Variants in RBMXL3 observed in about 807,000 individuals in gnomAD.
The protein encoded by RBMXL3 is RBMX like 3.
Under a neutral mutation model 0.8 loss-of-function variants are expected in RBMXL3, and 2 were observed. That is an observed-to-expected ratio of 2.54 (90% confidence interval 1.04 to 8.00). The LOEUF is 8.00. RBMXL3 is among the 30% of genes most tolerant of loss of function. The pLI, the probability that RBMXL3 is intolerant of heterozygous loss-of-function variation, is 0.04. For missense variants in RBMXL3, 1,127 were observed against 1,068.0 expected, an observed-to-expected ratio of 1.06 and a Z score of -0.77; for synonymous variants, 447 against 449.8, an observed-to-expected ratio of 0.99 and a Z score of 0.08.
rs1231122538 is a variant in RBMXL3, at chrX:115,190,452, C to T, written c.1011C>T (p.Pro337=). 10 of 1,165,873 alleles carry T rather than the reference C, an allele frequency of 8.6e-6. No homozygotes were observed. Among genetic ancestry groups the T allele is most frequent in the Middle Eastern group, 2.3e-4 (1 of 4,322 alleles). The part of the protein sequence containing the change: ...CRYEEYQGNS[P]DACSEGRSSE... Reference sequence around the variant, plus strand: ...ACGAGGAGTACCAGGGCAACTCGCCCGATGCCTGCAGTGAAGGCCGCTCGT... The same window carrying T: ...ACGAGGAGTACCAGGGCAACTCGCCTGATGCCTGCAGTGAAGGCCGCTCGT... Residue 337 remains proline, a synonymous_variant, in exon 1 of 1, where the codon CCC becomes CCT. Transcript: ENST00000424776.
At position 115,192,725 on chromosome X, in the gene RBMXL3, C is replaced by A; in HGVS notation, c.*80C>A. 1 of 970,067 alleles carries A rather than the reference C, an allele frequency of 1.0e-6. No homozygotes were observed. The highest frequency in any genetic ancestry group is 2.2e-5 in the South Asian group (1 of 45,893). The allele number at this position is 970,067 out of a possible 1,213,427, so 79.9% of individuals were successfully genotyped here. ...CTGTTCTATGTTAACTACCCAAGGA[C>A]TAGTATAAGTAGGAGTTGTTTTTAC... On this transcript the variant is annotated 3_prime_UTR_variant, in exon 1 of 1. Coordinates refer to ENST00000424776, the MANE Select transcript of RBMXL3 (RefSeq NM_001145346.2).
At position 115,189,688 on chromosome X, in the gene RBMXL3, C is replaced by G. The variant is rs1556556267; in HGVS notation, c.247C>G (p.Gln83Glu). The change falls in exon 1 of 1, where the codon CAG becomes GAG. Residue 83 changes from glutamine to glutamate, a missense_variant. Coordinates refer to ENST00000424776, the MANE Select transcript of RBMXL3 (RefSeq NM_001145346.2). ...YLDGKAIMVAQTIKPAFKSSR... is the reference protein window; with the variant it reads ...YLDGKAIMVAETIKPAFKSSR... ...GGATGGTAAGGCCATCATGGTGGCCCAGACCATCAAACCGGCATTCAAGAG... is the reference window on the plus strand; with the variant it reads ...GGATGGTAAGGCCATCATGGTGGCCGAGACCATCAAACCGGCATTCAAGAG... The G allele has an allele frequency of 2.6e-6, 3 of 1,167,230 alleles. No homozygotes were observed. Among genetic ancestry groups the G allele is most frequent in the African/African-American group, 1.8e-5 (1 of 56,178 alleles).
At position 115,190,800 on chromosome X, in the gene RBMXL3, TGGG is replaced by T. The variant is rs2072796830; in HGVS notation, c.1362_1364del (p.Gly455del). On this transcript the variant is annotated inframe_deletion, in exon 1 of 1. Transcript: ENST00000424776. Reference sequence around the variant, plus strand: ...GGGGCCGGTCCGACGACGCCTACAGTGGGGGCCATGACAGTTCCAGCTGGAGCG... The same window carrying T: ...GGGGCCGGTCCGACGACGCCTACAGTGGCCATGACAGTTCCAGCTGGAGCG... The T allele has an allele frequency of 8.7e-7, 1 of 1,152,997 alleles. No individual in the cohort carries two copies. Among genetic ancestry groups the T allele is most frequent in the East Asian group, 3.3e-5 (1 of 29,853 alleles).
rs782782096 is a variant in RBMXL3 at position 115,190,747 on chromosome X, G to A, written c.1306G>A (p.Gly436Arg). The A allele has an allele frequency of 7.3e-5, 84 of 1,143,196 alleles. 1 individual carries two copies. In the Middle Eastern group the frequency reaches 3.3e-3, roughly 45 times the overall value. 94.2% of individuals were successfully genotyped at this position (1,143,196 alleles called of 1,213,427 possible). The change falls in exon 1 of 1, where the codon GGG becomes AGG. Residue 436 changes from glycine (G) to arginine (R), a missense_variant. Coordinates refer to ENST00000424776, the MANE Select transcript of RBMXL3 (RefSeq NM_001145346.2). ...AGGCCGCTCACACGAGGCCCGCAGC[G>A]GGGGCCGCTCCACTGATGCCCACAG... ...YRGRSHEARS[G>R]GRSTDAHSRG...
At position 115,189,509 on chromosome X, in the gene RBMXL3, C is replaced by T. The variant is rs782414243; in HGVS notation, c.68C>T (p.Ala23Val). 2 of 1,181,315 alleles carry T rather than the reference C, an allele frequency of 1.7e-6. No individual in the cohort carries two copies. Among genetic ancestry groups the T allele is most frequent in the Admixed American group, 2.4e-5 (1 of 41,103 alleles). Residue 23 changes from alanine to valine, a missense_variant, in exon 1 of 1, where the codon GCC (alanine) becomes GTC (valine). By Grantham distance (64) the Ala-to-Val change is moderately conservative. Coordinates refer to ENST00000424776, the MANE Select transcript of RBMXL3 (RefSeq NM_001145346.2). Reference protein sequence around the residue: ...GGLNLKTDEKALKAEFGKYGH... With the variant: ...GGLNLKTDEKVLKAEFGKYGH... Reference sequence around the variant, plus strand: ...CTCAACCTCAAAACCGACGAGAAAGCCCTCAAAGCCGAGTTTGGCAAGTAT... The same window carrying T: ...CTCAACCTCAAAACCGACGAGAAAGTCCTCAAAGCCGAGTTTGGCAAGTAT...
rs2072775970 is a variant in RBMXL3, at chrX:115,190,097, G to A, written c.656G>A (p.Ser219Asn). ...PRSSLARIGG[S>N]GMPGKAPAVW... ...TCAAGCCTGGCTCGCATTGGCGGCA[G>A]TGGAATGCCTGGGAAGGCCCCGGCC... Residue 219 changes from serine (S) to asparagine (N), a missense_variant, in exon 1 of 1, where the codon AGT becomes AAT. Ser to Asn is a conservative substitution (Grantham distance 46). Transcript: ENST00000424776. 6 of 1,155,870 alleles carry A rather than the reference G, an allele frequency of 5.2e-6. No individual in the cohort carries two copies. Among genetic ancestry groups the A allele is most frequent in the Non-Finnish European group, 5.8e-6 (5 of 866,115 alleles).
chrX:115,190,141 T>G lies in RBMXL3; in HGVS notation c.700T>G (p.Tyr234Asp). ...KAPAVWGQDG[Y>D]SGPRVREPLP... ...CCCGGCCGTGTGGGGGCAAGATGGC[T>G]ACTCAGGCCCGCGGGTCCGGGAGCC... Residue 234 changes from tyrosine to aspartate, a missense_variant, in exon 1 of 1, where the codon TAC (tyrosine) becomes GAC (aspartate). Transcript: ENST00000424776. 8.6e-7 allele frequency: 1 copy of G among 1,161,688 alleles called. No individual in the cohort carries two copies. The highest frequency in any genetic ancestry group is 1.1e-6 in the Non-Finnish European group (1 of 869,712).
rs1344176388 is a variant in RBMXL3, at chrX:115,190,059, G to C, written c.618G>C (p.Arg206Ser). The C allele has an allele frequency of 8.7e-7, 1 of 1,153,662 alleles. No individual in the cohort carries two copies. The highest frequency in any genetic ancestry group is 1.2e-6 in the Non-Finnish European group (1 of 866,724). Residue 206 changes from arginine to serine, a missense_variant, in exon 1 of 1, where the codon AGG becomes AGC. By Grantham distance (110) the Arg-to-Ser change is moderately radical. Transcript: ENST00000424776. ...GCTGGGCCGGCCCACCCCACAAGAG[G>C]GCTGTGCCCCGGTCAAGCCTGGCTC... ...PRRWAGPPHK[R>S]AVPRSSLARI...
rs1556560343 is a variant in RBMXL3, at chrX:115,191,872, C to T, written c.2431C>T (p.Pro811Ser). The change falls in exon 1 of 1, where the codon CCC becomes TCC. Residue 811 changes from proline (P) to serine (S), a missense_variant. Physicochemically the swap from Pro to Ser is moderately conservative, Grantham distance 74. Transcript: ENST00000424776. ...CCACAACAGTTCCAGCCGGAACGAC[C>T]CCTGCAGAGGAGGAGGCCGCTACGA... The part of the protein sequence containing the change: ...GGHNSSSRND[P>S]CRGGGRYEEN... 1 of 1,159,383 alleles carries T rather than the reference C, an allele frequency of 8.6e-7. No homozygotes were observed. Among genetic ancestry groups the T allele is most frequent in the Admixed American group, 2.6e-5 (1 of 37,910 alleles).
At position 115,190,940 on chromosome X, in the gene RBMXL3, G is replaced by T. The variant is rs782095744; in HGVS notation, c.1499G>T (p.Trp500Leu). The change falls in exon 1 of 1, where the codon TGG becomes TTG. Residue 500 changes from tryptophan to leucine, a missense_variant. Coordinates refer to ENST00000424776, the MANE Select transcript of RBMXL3 (RefSeq NM_001145346.2). Reference sequence around the variant, plus strand: ...AGTGGGGGCCACGACAATTCCAGCTGGAGCGACCGCTACGGAGTAGGAGGC... The same window carrying T: ...AGTGGGGGCCACGACAATTCCAGCTTGAGCGACCGCTACGGAGTAGGAGGC... ...AYSGGHDNSS[W>L]SDRYGVGGHY... 8.7e-7 allele frequency: 1 copy of T among 1,154,997 alleles called. No individual in the cohort carries two copies. Among genetic ancestry groups the T allele is most frequent in the South Asian group, 1.9e-5 (1 of 51,974 alleles).
chrX:115,189,989 C>T lies in RBMXL3; in HGVS notation c.548C>T (p.Pro183Leu), dbSNP rs375251992. The change falls in exon 1 of 1, where the codon CCG becomes CTG. Residue 183 changes from proline to leucine, a missense_variant. Pro to Leu is a moderately conservative substitution (Grantham distance 98). Transcript: ENST00000424776. The stretch of plus-strand genomic sequence containing the variant: ...GGCTGTGGAATGCGCGGGAAGGCAC[C>T]GACTGTGTCGGGGCAAGATGGCTAC... ...SVGCGMRGKA[P>L]TVSGQDGYSG... The T allele has an allele frequency of 1.9e-4, 216 of 1,162,646 alleles. 2 individuals are homozygous for T. The South Asian group carries it at 3.9e-3, about 21-fold the overall frequency.
Position 115,191,430 on chromosome X carries a change from C to A in RBMXL3, c.1989C>A (p.Tyr663Ter), listed in dbSNP as rs1209297902. ...ACAGTTCTGGCCAGAGCAACTGCTA[C>A]GGAGGAGGAGGCCGCTACGAGGAGT... ...GHDSSGQSNC[Y>*]GGGGRYEEYR... is the part of the protein sequence containing the mutation. Residue 663 changes from tyrosine (Y) to a stop codon, truncating the protein, a stop_gained, in exon 1 of 1, where the codon TAC (tyrosine) becomes TAA (stop). Transcript: ENST00000424776. LOFTEE classifies it low-confidence loss of function (END_TRUNC). 1 of 1,147,040 alleles carries A rather than the reference C, an allele frequency of 8.7e-7. No individual in the cohort carries two copies. Among genetic ancestry groups the A allele is most frequent in the African/African-American group, 1.9e-5 (1 of 51,372 alleles). 94.5% of individuals were successfully genotyped at this position (1,147,040 alleles called of 1,213,427 possible). A position where few individuals can be genotyped will look rare whatever the true frequency, so the allele number is the denominator to read the frequency against.
rs184007528 is a variant in RBMXL3 at position 115,190,670 on chromosome X, G to C, written c.1229G>C (p.Ser410Thr). 185 of 1,147,803 alleles carry C rather than the reference G, an allele frequency of 1.6e-4. 1 individual carries two copies. The African/African-American group carries it at 3.2e-3, about 20-fold the overall frequency. 94.6% of individuals were successfully genotyped at this position (1,147,803 alleles called of 1,213,427 possible). ...GGGGGCCGCAACAGTTCCAGCAACA[G>C]TTACGGCCAGAGCCACCACTATGGA... ...HSGGRNSSSN[S>T]YGQSHHYGGE... Residue 410 changes from serine (S) to threonine (T), a missense_variant, in exon 1 of 1, where the codon AGT becomes ACT. Physicochemically the swap from Ser to Thr is moderately conservative, Grantham distance 58. Transcript: ENST00000424776.
At position 115,190,594 on chromosome X, in the gene RBMXL3, G is replaced by A. The variant is rs782076405; in HGVS notation, c.1153G>A (p.Glu385Lys). ...NGYSRSDRYG[E>K]EGCYEEYRGR... ...TTACAGCCGGAGTGACCGCTACGGA[G>A]AAGAAGGCTGCTACGAGGAGTACAG... Residue 385 changes from glutamate (E) to lysine (K), a missense_variant, in exon 1 of 1, where the codon GAA (glutamate) becomes AAA (lysine). Transcript: ENST00000424776. The A allele has an allele frequency of 1.7e-6, 2 of 1,160,742 alleles. No homozygotes were observed. Among genetic ancestry groups the A allele is most frequent in the Non-Finnish European group, 2.3e-6 (2 of 867,692 alleles).
chrX:115,191,231 G>T lies in RBMXL3; in HGVS notation c.1790G>T (p.Arg597Leu). 7.8e-6 allele frequency: 9 copies of T among 1,150,033 alleles called. No homozygotes were observed. The highest frequency in any genetic ancestry group is 1.0e-5 in the Non-Finnish European group (9 of 865,597). 94.8% of individuals were successfully genotyped at this position (1,150,033 alleles called of 1,213,427 possible). A position where few individuals can be genotyped will look rare whatever the true frequency, so the allele number is the denominator to read the frequency against. Residue 597 changes from arginine to leucine, a missense_variant, in exon 1 of 1, where the codon CGC becomes CTC. Coordinates refer to ENST00000424776, the MANE Select transcript of RBMXL3 (RefSeq NM_001145346.2). The stretch of plus-strand genomic sequence containing the variant: ...GGCTGCTACGAGGAGTACCGAGGCC[G>T]CTCCCTCGATGCCAACAGTGGAGGC... ...GGGCYEEYRG[R>L]SLDANSGGRS...
chrX:115,189,962 T>A lies in RBMXL3; in HGVS notation c.521T>A (p.Val174Asp). ...RATPSSLAHSVGCGMRGKAPT... is the reference protein window; with the variant it reads ...RATPSSLAHSDGCGMRGKAPT... ...ACGCCGTCGAGCCTGGCTCACAGCG[T>A]TGGCTGTGGAATGCGCGGGAAGGCA... The change falls in exon 1 of 1, where the codon GTT becomes GAT. Residue 174 changes from valine to aspartate, a missense_variant. Physicochemically the swap from Val to Asp is radical, Grantham distance 152. Coordinates refer to ENST00000424776, the MANE Select transcript of RBMXL3 (RefSeq NM_001145346.2). 8.6e-7 allele frequency: 1 copy of A among 1,162,775 alleles called. No individual in the cohort carries two copies. The highest frequency in any genetic ancestry group is 1.9e-5 in the South Asian group (1 of 52,509).
rs1556557973 is a variant in RBMXL3 at position 115,190,709 on chromosome X, A to T, written c.1268A>T (p.Tyr423Phe). ...CACCACTATGGAGGAGAAGGCCGCTATGAGGAGTACCGAGGCCGCTCACAC... is the reference window on the plus strand; with the variant it reads ...CACCACTATGGAGGAGAAGGCCGCTTTGAGGAGTACCGAGGCCGCTCACAC... ...QSHHYGGEGR[Y>F]EEYRGRSHEA... is the part of the protein sequence containing the mutation. Residue 423 changes from tyrosine (Y) to phenylalanine (F), a missense_variant, in exon 1 of 1, where the codon TAT becomes TTT. Tyr to Phe is a conservative substitution (Grantham distance 22). Transcript: ENST00000424776. The T allele has an allele frequency of 9.3e-7, 1 of 1,077,451 alleles. No homozygotes were observed. The allele number at this position is 1,077,451 out of a possible 1,213,427, so 88.8% of individuals were successfully genotyped here.
At position 115,190,911 on chromosome X, in the gene RBMXL3, C is replaced by T. The variant is rs1228893798; in HGVS notation, c.1470C>T (p.Ala490=). ...DANSGGCSPE[A]YSGGHDNSSW... ...ACAGTGGAGGCTGCTCGCCCGAGGC[C>T]TACAGTGGGGGCCACGACAATTCCA... Residue 490 remains alanine (A), a synonymous_variant, in exon 1 of 1, where the codon GCC becomes GCT. Transcript: ENST00000424776. 7 of 1,166,046 alleles carry T rather than the reference C, an allele frequency of 6.0e-6. No homozygotes were observed. In the East Asian group the frequency reaches 2.3e-4, roughly 38 times the overall value.
chrX:115,190,806 C>T lies in RBMXL3; in HGVS notation c.1365C>T (p.Gly455=). The part of the protein sequence containing the change: ...RGRSDDAYSG[G]HDSSSWSDCC... ...GGTCCGACGACGCCTACAGTGGGGGCCATGACAGTTCCAGCTGGAGCGACT... is the reference window on the plus strand; with the variant it reads ...GGTCCGACGACGCCTACAGTGGGGGTCATGACAGTTCCAGCTGGAGCGACT... The change falls in exon 1 of 1, where the codon GGC becomes GGT. Residue 455 remains glycine (G), a synonymous_variant. Transcript: ENST00000424776. The T allele has an allele frequency of 8.6e-7, 1 of 1,157,287 alleles. No individual in the cohort carries two copies. Among genetic ancestry groups the T allele is most frequent in the Non-Finnish European group, 1.2e-6 (1 of 867,034 alleles).
Sources: gnomAD v4.1 joint callset for allele counts on GRCh38, gnomAD v4.1.1 for gene constraint, MANE v1.5 for transcripts, NCBI Gene and HGNC (gene_info 2026-07-23, HGNC 2026-07-21) for gene names.